Variants in CCDC15 observed in about 807,000 individuals in gnomAD.
CCDC15 encodes the protein coiled-coil domain containing 15.
Under a neutral mutation model 114.5 loss-of-function variants are expected in CCDC15, and 105 were observed. That is an observed-to-expected ratio of 0.92 (90% CI 0.78 to 1.08). CCDC15 has a LOEUF of 1.08. Ranked by LOEUF, CCDC15 falls within the 50% of genes least tolerant of loss-of-function variation. CCDC15 has a pLI of 0.00. For synonymous variants in CCDC15, 334 were observed against 377.8 expected (o/e 0.88, Z 1.34); for missense variants, 1,105 against 1,093.6 (o/e 1.01, Z -0.15).
rs936153207 is a variant in CCDC15, at chr11:125,041,193, G to A, written c.*482G>A. ...TTCAAGATTAGAAGAATTTAGATTT[G>A]TTGCACATTTTTTTCCTCAGCATTT... On this transcript the variant is annotated 3_prime_UTR_variant, in exon 16 of 16. Transcript: ENST00000344762. 1 of 152,198 alleles carries A rather than the reference G, an allele frequency of 6.6e-6. No homozygotes were observed. Among genetic ancestry groups the A allele is most frequent in the African/African-American group, 2.4e-5 (1 of 41,438 alleles). 9.4% of individuals were successfully genotyped at this position (152,198 alleles called of 1,614,324 possible).
In CCDC15 at chr11:124,987,279, A is replaced by G. The variant is rs780708257; in HGVS notation, c.1053A>G (p.Thr351=). ...TGCTGGAAACCCAGGGTGATTTGACAGGAATCCAGAGTGTTAAGCCAGATA... is the reference window on the plus strand; with the variant it reads ...TGCTGGAAACCCAGGGTGATTTGACGGGAATCCAGAGTGTTAAGCCAGATA... ...GDLLETQGDL[T]GIQSVKPDTQ... The change falls in exon 8 of 16, where the codon ACA becomes ACG. Residue 351 remains threonine (T), a synonymous_variant. Transcript: ENST00000344762. 1.3e-6 allele frequency: 2 copies of G among 1,593,202 alleles called. No individual in the cohort carries two copies. Among genetic ancestry groups the G allele is most frequent in the Admixed American group, 3.6e-5 (2 of 55,472 alleles).
At chr11:124,982,013 G>A (rs1279451442) in intron 6 of CCDC15, among the ~76,000 whole-genome samples, 1 of 152,100 alleles carries the variant, frequency 6.6e-6, no homozygotes, top group African/African-American at 2.4e-5. Context: ...AGGTCTTCTT[G>A]TTCAATTGAG....
In CCDC15 at chr11:125,040,011, C is replaced by G. The variant is rs188887076; in HGVS notation, c.2735-579C>G. Among the ~76,000 whole-genome samples the G allele has an allele frequency of 1.4e-4, 21 of 151,858 alleles. No individual in the cohort carries two copies. In the East Asian group the frequency reaches 3.5e-3, roughly 25 times the overall value. ...TTGTGCATTCATTCCCAACTTCATT[C>G]TATGATGACATTTGTTGTTGTTGTT... is the stretch of plus-strand genomic sequence containing the variant. On this transcript the variant is annotated intron_variant, in intron 15 of 15. Coordinates refer to ENST00000344762, the MANE Select transcript of CCDC15 (RefSeq NM_025004.3).
Position 124,975,139 on chromosome 11 carries a change from T to C in CCDC15, c.560T>C (p.Phe187Ser). The C allele has an allele frequency of 1.2e-6, 2 of 1,602,236 alleles. No homozygotes were observed. The highest frequency in any genetic ancestry group is 2.7e-5 in the African/African-American group (2 of 74,040). Residue 187 changes from phenylalanine (F) to serine (S), a missense_variant, in exon 5 of 16, where the codon TTT (phenylalanine) becomes TCT (serine). By Grantham distance (155) the Phe-to-Ser change is radical. Transcript: ENST00000344762. ...MKQARHRLAS[F>S]KTVIKKKGSV... ...CAGGCACGTCACCGGCTAGCATCCT[T>C]TAAAACCGTGATTAAAAAAAAGGGA...
chr11:124,997,763 G>A (rs899397444), intron 11 of CCDC15, among the ~76,000 whole-genome samples: 48 of 152,120 alleles, frequency 3.2e-4, no homozygotes, highest in African/African-American at 1.2e-3. Flanking sequence ...CCAACAAGGT[G>A]AAACCCTGTT....
intron 2 of CCDC15, among the ~76,000 whole-genome samples, chr11:124,956,847 A>G (rs1184316653): frequency 6.6e-6 from 1 of 152,200 alleles, no homozygotes; most frequent in African/African-American, 2.4e-5. Flanking sequence ...TCAGCTCAAA[A>G]TAAATGCTGA....
intron 5 of CCDC15, 23 bp downstream of exon 5, chr11:124,975,232 AT>A: frequency 7.3e-7 from 1 of 1,360,662 alleles, no homozygotes; most frequent in Non-Finnish European, 1.0e-6. Context: ...CTAATACATG[AT>A]TTAAAAAAAT....
intron 4 of CCDC15, among the ~76,000 whole-genome samples, chr11:124,966,144 G>A (rs7926578): frequency 0.27 from 40,531 of 151,964 alleles, 6,400 homozygotes; most frequent in African/African-American, 0.44. Flanking sequence ...AGTTCTGTAG[G>A]TGTCTATTAG....
At chr11:125,024,437 G>A (rs1420128742) in intron 13 of CCDC15, among the ~76,000 whole-genome samples, 1 of 151,984 alleles carries the variant, frequency 6.6e-6, no homozygotes, top group Non-Finnish European at 1.5e-5. Context: ...TAGCAATATT[G>A]AATCTGCTGA....
chr11:125,003,843 T>C lies in CCDC15; in HGVS notation c.2215-24T>C, dbSNP rs1262918783. Reference sequence around the variant, plus strand: ...GTAGTTTTTGGTAATTTTGTCACTTTGTGTGACTGGACCTTCTTAACAGGC... The same window carrying C: ...GTAGTTTTTGGTAATTTTGTCACTTCGTGTGACTGGACCTTCTTAACAGGC... On this transcript the variant is annotated intron_variant, in intron 11 of 15. Transcript: ENST00000344762. 10 of 1,409,012 alleles carry C rather than the reference T, an allele frequency of 7.1e-6. No homozygotes were observed. The Admixed American group carries it at 2.1e-4, about 29-fold the overall frequency. The allele number at this position is 1,409,012 out of a possible 1,614,324, so 87.3% of individuals were successfully genotyped here.
chr11:124,969,605 C>T (rs1947846774), intron 4 of CCDC15, among the ~76,000 whole-genome samples: 1 of 151,862 alleles, frequency 6.6e-6, no homozygotes, highest in African/African-American at 2.4e-5. Flanking sequence ...GCTAGTTTTC[C>T]AGCTTTTTAA....
intron 13 of CCDC15, among the ~76,000 whole-genome samples, chr11:125,034,177 G>A (rs554584648): frequency 2.2e-4 from 34 of 152,280 alleles, no homozygotes; most frequent in African/African-American, 6.0e-4. Context: ...AATGTGGGTC[G>A]GGGAGGGGAT....
chr11:125,033,846 A>G (rs1210540462), intron 13 of CCDC15, among the ~76,000 whole-genome samples: 3 of 152,156 alleles, frequency 2.0e-5, no homozygotes, highest in East Asian at 1.9e-4. Context: ...ATCAAACTCT[A>G]TGTTCCTTCT....
chr11:125,023,208 C>T (rs143940348), intron 13 of CCDC15, among the ~76,000 whole-genome samples: 73 of 151,922 alleles, frequency 4.8e-4, no homozygotes, highest in African/African-American at 1.7e-3. Context: ...TTTTTTTGTA[C>T]GAGGATACCC....
At chr11:124,986,314 A>G (rs1591590239) in intron 6 of CCDC15, among the ~76,000 whole-genome samples, 1 of 152,200 alleles carries the variant, frequency 6.6e-6, no homozygotes, top group Non-Finnish European at 1.5e-5. Flanking sequence ...TTTTCAAGAA[A>G]GTGTTTTGCT....
chr11:124,987,268 G>T lies in CCDC15; in HGVS notation c.1042G>T (p.Gly348Cys). ...CCAAGGTGATTTGCTGGAAACCCAG[G>T]GTGATTTGACAGGAATCCAGAGTGT... ...EAQGDLLETQ[G>C]DLTGIQSVKP... Residue 348 changes from glycine to cysteine, a missense_variant, in exon 8 of 16, where the codon GGT (glycine) becomes TGT (cysteine). Coordinates refer to ENST00000344762, the MANE Select transcript of CCDC15 (RefSeq NM_025004.3). 1 of 1,588,954 alleles carries T rather than the reference G, an allele frequency of 6.3e-7. No homozygotes were observed. Among genetic ancestry groups the T allele is most frequent in the Non-Finnish European group, 8.5e-7 (1 of 1,170,408 alleles).
chr11:125,014,642 C>G (rs1251118954), intron 13 of CCDC15, among the ~76,000 whole-genome samples: 1 of 152,104 alleles, frequency 6.6e-6, no homozygotes, highest in Non-Finnish European at 1.5e-5. Flanking sequence ...ACTTCAGACT[C>G]ACTAGAGTAG....
chr11:124,987,246 A>G lies in CCDC15; in HGVS notation c.1020A>G (p.Gln340=), dbSNP rs757622610. 1.9e-6 allele frequency: 3 copies of G among 1,570,646 alleles called. No homozygotes were observed. The highest frequency in any genetic ancestry group is 2.4e-5 in the South Asian group (2 of 82,346). The part of the protein sequence containing the change: ...PEAQDYFLEA[Q]GDLLETQGDL... ...CCCAGGATTATTTTCTAGAAGCCCA[A>G]GGTGATTTGCTGGAAACCCAGGGTG... The change falls in exon 8 of 16, where the codon CAA becomes CAG. Residue 340 remains glutamine (Q), a synonymous_variant. Transcript: ENST00000344762.
intron 13 of CCDC15, among the ~76,000 whole-genome samples, chr11:125,027,541 T>G (rs1948712106): frequency 6.6e-6 from 1 of 152,190 alleles, no homozygotes; most frequent in African/African-American, 2.4e-5. Context: ...TATCTTCTTT[T>G]GAGAATTTCA....
Sources: gnomAD v4.1 joint callset for allele counts (sites outside exome capture counted in the v4.1 genomes callset) on GRCh38, gnomAD v4.1.1 for gene constraint, MANE v1.5 for transcripts, NCBI Gene and HGNC (gene_info 2026-07-23, HGNC 2026-07-21) for gene names.